Variants in OOEP observed in about 807,000 individuals in gnomAD.
OOEP encodes the protein oocyte expressed protein, also known as oocyte-expressed protein homolog.
OOEP carries 16 observed loss-of-function variants against 13.7 expected under a neutral mutation model. The observed-to-expected ratio is 1.16, with a 90% CI of 0.79 to 1.77. OOEP has a LOEUF of 1.77. Ranked by LOEUF, OOEP falls within the 40% of genes most tolerant of loss-of-function variation. The probability of loss-of-function intolerance (pLI) is 0.00; values close to 1 mark genes in which losing one functional copy is unlikely to be tolerated. For missense variants in OOEP, 195 were observed against 193.1 expected (o/e 1.01, Z -0.06); for synonymous variants, 89 against 77.1 (o/e 1.15, Z -0.81).
rs1221832675 is a variant in OOEP at position 73,369,595 on chromosome 6, T to C, written c.190+8A>G. Reference sequence around the variant, plus strand: ...GGACAGCCCACTAGCACACCTGGGGTCGCTCACCAAAGAGCTCGTCTGCCA... The same window carrying C: ...GGACAGCCCACTAGCACACCTGGGGCCGCTCACCAAAGAGCTCGTCTGCCA... On this transcript the variant is annotated splice_region_variant and intron_variant, in intron 1 of 2. Coordinates refer to ENST00000370359, the MANE Select transcript of OOEP (RefSeq NM_001080507.3). The C allele has an allele frequency of 1.9e-6, 3 of 1,611,892 alleles. No individual in the cohort carries two copies. The highest frequency in any genetic ancestry group is 1.7e-6 in the Non-Finnish European group (2 of 1,178,432).
chr6:73,384,364 T>C (rs1769243204), intron 2 of OOEP, among the ~76,000 whole-genome samples: 1 of 152,164 alleles, frequency 6.6e-6, no homozygotes, highest in Non-Finnish European at 1.5e-5. Context: ...ACCAAGTATT[T>C]AAAGGAGAAC....
At chr6:73,386,713 C>T (rs543211391) in intron 2 of OOEP, among the ~76,000 whole-genome samples, 8 of 152,020 alleles carry the variant, frequency 5.3e-5, no homozygotes, top group South Asian at 4.1e-4. Context: ...TGCCTGTAAT[C>T]CCAGCACTTT....
intron 2 of OOEP, chr6:73,391,817 A>G (rs1212135353): frequency 6.6e-6 from 1 of 152,236 alleles, no homozygotes; most frequent in Admixed American, 6.5e-5. Context: ...AGAGGTTTTT[A>G]TAAGTGTTGT....
At chr6:73,394,858 G>C (rs1344429556) in exon 1 of OOEP, 12 of 1,600,934 alleles carry the variant, frequency 7.5e-6, no homozygotes, top group Non-Finnish European at 1.0e-5. Context: ...CGGTCAGGTG[G>C]TGCAGAGCTG....
chr6:73,395,040 C>T, exon 1 of OOEP: 1 of 1,612,300 alleles, frequency 6.2e-7, no homozygotes, highest in South Asian at 1.1e-5. Context: ...GATATAGTGT[C>T]GGCAGAGGTG....
At chr6:73,372,699 G>A (rs1769074771), upstream of OOEP, among the ~76,000 whole-genome samples, 1 of 152,124 alleles carries the variant, frequency 6.6e-6, no homozygotes, top group South Asian at 2.1e-4. Flanking sequence ...CAACACCAGA[G>A]ACTGAGGTGG....
chr6:73,386,237 G>A (rs888014721), intron 2 of OOEP, among the ~76,000 whole-genome samples: 1 of 152,070 alleles, frequency 6.6e-6, no homozygotes, highest in Non-Finnish European at 1.5e-5. Flanking sequence ...GGGGATTACA[G>A]GCATGTGCCA....
At chr6:73,387,263 C>T (rs1056417188) in intron 2 of OOEP, among the ~76,000 whole-genome samples, 1 of 152,134 alleles carries the variant, frequency 6.6e-6, no homozygotes, top group Admixed American at 6.5e-5. Context: ...AATCCCAGCA[C>T]TTTGGGAGGC....
chr6:73,389,050 G>A (rs1403349342), intron 2 of OOEP, among the ~76,000 whole-genome samples: 2 of 62 alleles, frequency 0.032, no homozygotes, highest in African/African-American at 0.062. Flanking sequence ...TGGAACCTGG[G>A]GCGGTGCTCT....
At chr6:73,394,860 G>A in exon 1 of OOEP, 8 of 1,601,958 alleles carry the variant, frequency 5.0e-6, no homozygotes, top group Non-Finnish European at 6.8e-6. Flanking sequence ...GTCAGGTGGT[G>A]CAGAGCTGGA....
intron 2 of OOEP, 85 bp from the exon 3 acceptor site, chr6:73,368,948 G>T: frequency 9.1e-7 from 1 of 1,093,590 alleles, no homozygotes; most frequent in Non-Finnish European, 1.4e-6. Flanking sequence ...AGTTGGGGAG[G>T]AGAGAAAGAT....
intron 2 of OOEP, among the ~76,000 whole-genome samples, chr6:73,379,303 T>C (rs1004202576): frequency 1.3e-5 from 2 of 150,486 alleles, no homozygotes; most frequent in Admixed American, 6.6e-5. Context: ...GGATTATAGG[T>C]GTGAGCCACC....
chr6:73,387,191 T>C (rs547197295), intron 2 of OOEP, among the ~76,000 whole-genome samples: 6 of 151,782 alleles, frequency 4.0e-5, no homozygotes, highest in African/African-American at 1.2e-4. Context: ...CCATCAAAAT[T>C]CAAAACTTTG....
intron 2 of OOEP, among the ~76,000 whole-genome samples, chr6:73,390,346 A>AT (rs911283453): frequency 6.6e-6 from 1 of 151,966 alleles, no homozygotes; most frequent in Non-Finnish European, 1.5e-5. Flanking sequence ...GTCTCTTGGG[A>AT]TTTTGGGGGT....
At chr6:73,373,588 T>TA (rs546898103), upstream of OOEP, among the ~76,000 whole-genome samples, 181 of 152,182 alleles carry the variant, frequency 1.2e-3, 1 homozygote, top group Middle Eastern at 0.01. Context: ...TGCAATTATT[T>TA]TTTATTTATT....
chr6:73,377,404 A>G (rs779246872), intron 2 of OOEP, among the ~76,000 whole-genome samples: 3 of 145,306 alleles, frequency 2.1e-5, no homozygotes, highest in Non-Finnish European at 3.0e-5. Flanking sequence ...CTGCCTCAGG[A>G]GTAGATAAAC....
At chr6:73,383,868 G>T (rs955817473) in intron 2 of OOEP, among the ~76,000 whole-genome samples, 2 of 152,122 alleles carry the variant, frequency 1.3e-5, no homozygotes, top group Admixed American at 1.3e-4. Context: ...GGCTGAGGCA[G>T]GCAGATCACT....
At chr6:73,371,772 T>TAA (rs1176902558), upstream of OOEP, among the ~76,000 whole-genome samples, 783 of 147,100 alleles carry the variant, frequency 5.3e-3, 8 homozygotes, top group Non-Finnish European at 9.2e-3. Context: ...AAAATAAAAA[T>TAA]AAAAAAATTT....
chr6:73,384,657 A>T (rs78426738), intron 2 of OOEP, among the ~76,000 whole-genome samples: 8,961 of 152,072 alleles, frequency 0.059, 674 homozygotes, highest in East Asian at 0.19. Context: ...TGATTGTGCC[A>T]CTGCACTCCA....
Sources: allele counts gnomAD v4.1 joint callset (sites outside exome capture counted in the v4.1 genomes callset), GRCh38; gene constraint gnomAD v4.1.1; transcripts MANE v1.5; gene names NCBI Gene and HGNC (gene_info 2026-07-23, HGNC 2026-07-21).